Variants in NCL observed in about 807,000 individuals in gnomAD.
The protein encoded by NCL is nucleolin multifunctional protein.
NCL carries 4 observed loss-of-function variants against 77.7 expected under a neutral mutation model. That is an observed-to-expected ratio of 0.05 (90% CI 0.03 to 0.12). The LOEUF (loss-of-function observed/expected upper bound fraction) is 0.12. NCL is among the 10% of genes least tolerant of loss of function. The pLI is 1.00. For synonymous variants in NCL, 344 were observed against 297.8 expected (o/e 1.16, Z -1.60); for missense variants, 763 against 860.9 (o/e 0.89, Z 1.42).
chr2:231,458,506 TA>T, intron 7 of NCL, 117 bp from the exon 8 acceptor site: 4 of 1,306,112 alleles, frequency 3.1e-6, no homozygotes, highest in Non-Finnish European at 4.2e-6. Context: ...TGAGATCCTA[TA>T]ATGTACAAGG....
In NCL at chr2:231,461,559, GTCATCC is replaced by G. The variant is rs1271519636; in HGVS notation, c.588_593del (p.Glu196_Asp197del). The G allele has an allele frequency of 5.0e-6, 8 of 1,613,160 alleles. No individual in the cohort carries two copies. In the African/African-American group the frequency reaches 6.7e-5, roughly 13 times the overall value. The stretch of plus-strand genomic sequence containing the variant: ...CCTTACCATCTTCCTCATCGTCATC[GTCATCC>G]TCATCATCTTCGTCATCCTCATCGT... On this transcript the variant is annotated inframe_deletion, in exon 3 of 14. Transcript: ENST00000322723.
Position 231,461,837 on chromosome 2 carries a change from T to G in NCL, c.316A>C (p.Thr106Pro). Residue 106 changes from threonine to proline, a missense_variant, in exon 3 of 14, where the codon ACA (threonine) becomes CCA (proline). By Grantham distance (38) the Thr-to-Pro change is conservative. This residue lies in a region of NCL where 590 missense variants were observed against 570.5 expected (regional missense o/e 1.03). Transcript: ENST00000322723. ...GGTGTGGCTCCCTTCTTGCCAGGTG[T>G]GGTAACTGCTTTGGCTGGTGTAACT... The part of the protein sequence containing the change: ...KTVTPAKAVT[T>P]PGKKGATPGK... 6.2e-7 allele frequency: 1 copy of G among 1,613,554 alleles called. No homozygotes were observed. Among genetic ancestry groups the G allele is most frequent in the Non-Finnish European group, 8.5e-7 (1 of 1,179,972 alleles).
intron 11 of NCL, 199 bp downstream of exon 11, chr2:231,456,432 G>T: frequency 9.2e-7 from 1 of 1,085,064 alleles, no homozygotes; most frequent in Non-Finnish European, 1.4e-6. Context: ...TTGCTACTCT[G>T]AGTTGACACA....
intron 11 of NCL, chr2:231,456,418 A>G (rs2046888632): frequency 9.7e-7 from 1 of 1,029,756 alleles, no homozygotes; most frequent in African/African-American, 1.6e-5. Context: ...AATCATGGGC[A>G]AACTTGCTAC....
At chr2:231,460,125 G>T in intron 6 of NCL, 27 bp downstream of exon 6, 1 of 1,598,696 alleles carries the variant, frequency 6.3e-7, no homozygotes, top group African/African-American at 1.3e-5. Flanking sequence ...AGACCCACGT[G>T]TATGTAACGT....
In NCL at chr2:231,455,990, C is replaced by A; in HGVS notation, c.1832+20G>T. The A allele has an allele frequency of 6.2e-7, 1 of 1,614,208 alleles. No individual in the cohort carries two copies. Among genetic ancestry groups the A allele is most frequent in the Non-Finnish European group, 8.5e-7 (1 of 1,180,030 alleles). On this transcript the variant is annotated intron_variant, in intron 12 of 13. Transcript: ENST00000322723. ...AAAACCCCTTCAAGTGGAAGCAGCA[C>A]TCACGCTTCCTTCCCTTACCCTTTG...
chr2:231,462,530 C>T, intron 2 of NCL: 1 of 513,296 alleles, frequency 1.9e-6, no homozygotes, highest in Non-Finnish European at 3.9e-6. Flanking sequence ...AACTATCACA[C>T]ATCAAAGAGT....
Position 231,454,912 on chromosome 2 carries a change from G to GAAAA in NCL, c.*275_*278dup, listed in dbSNP as rs1021558053. 1 of 305,584 alleles carries GAAAA rather than the reference G, an allele frequency of 3.3e-6. No homozygotes were observed. Among genetic ancestry groups the GAAAA allele is most frequent in the Non-Finnish European group, 6.0e-6 (1 of 167,552 alleles). 18.9% of individuals were successfully genotyped at this position (305,584 alleles called of 1,614,324 possible). Reference sequence around the variant, plus strand: ...ACAACAAAACCCAAACTATTTGTAGGAAAAAATGGTTTTGTACATGGGATG... The same window carrying GAAAA: ...ACAACAAAACCCAAACTATTTGTAGGAAAAAAAAAATGGTTTTGTACATGGGATG... On this transcript the variant is annotated 3_prime_UTR_variant, in exon 14 of 14. Transcript: ENST00000322723.
At chr2:231,456,923 G>A in intron 10 of NCL, 78 bp downstream of exon 10, 1 of 1,573,128 alleles carries the variant, frequency 6.4e-7, no homozygotes, top group South Asian at 1.2e-5. Flanking sequence ...TTTCTGACAG[G>A]ATCACATGAC....
At chr2:231,456,247 C>T (rs2046886752) in intron 11 of NCL, 111 bp from the exon 12 acceptor site, 2 of 1,400,136 alleles carry the variant, frequency 1.4e-6, no homozygotes, top group Non-Finnish European at 9.7e-7. Context: ...AGTGAAAAAG[C>T]AGTTAAAAGC....
At chr2:231,460,397 T>A (rs778890736) in intron 5 of NCL, 81 bp downstream of exon 5, 1 of 1,591,810 alleles carries the variant, frequency 6.3e-7, no homozygotes, top group Admixed American at 1.7e-5. Flanking sequence ...CAATGTAACA[T>A]CAGGTTTCAG....
chr2:231,458,848 CTGTAGCTCAT>C, intron 7 of NCL, 143 bp downstream of exon 7: 1 of 841,270 alleles, frequency 1.2e-6, no homozygotes. Flanking sequence ...CTTGTAAACA[CTGTAGCTCAT>C]TTAATTCCCA....
Position 231,461,849 on chromosome 2 carries a change from T to C in NCL, c.304A>G (p.Lys102Glu), listed in dbSNP as rs1419401455. 1 of 1,613,428 alleles carries C rather than the reference T, an allele frequency of 6.2e-7. No homozygotes were observed. Among genetic ancestry groups the C allele is most frequent in the African/African-American group, 1.3e-5 (1 of 74,928 alleles). The stretch of plus-strand genomic sequence containing the variant: ...TTCTTGCCAGGTGTGGTAACTGCTT[T>C]GGCTGGTGTAACTGTCTTCTTGGCA... ...TPAKKTVTPA[K>E]AVTTPGKKGA... The change falls in exon 3 of 14, where the codon AAA becomes GAA. Residue 102 changes from lysine to glutamate, a missense_variant. Transcript: ENST00000322723.
chr2:231,453,751 G>A lies in NCL; in HGVS notation c.*1440C>T, dbSNP rs2046854927. On this transcript the variant is annotated 3_prime_UTR_variant, in exon 14 of 14. Coordinates refer to ENST00000322723, the MANE Select transcript of NCL (RefSeq NM_005381.3). ...ATGGAACAGGGCTGACAAGCAGTAG[G>A]TGATAAGCCCAAGGATGTTAAGATT... is the stretch of plus-strand genomic sequence containing the variant. 6.6e-6 allele frequency: 1 copy of A among 152,506 alleles called. No homozygotes were observed. Among genetic ancestry groups the A allele is most frequent in the Admixed American group, 6.5e-5 (1 of 15,314 alleles). The allele number at this position is 152,506 out of a possible 1,614,324, so 9.4% of individuals were successfully genotyped here. A position where few individuals can be genotyped will look rare whatever the true frequency, so the allele number is the denominator to read the frequency against.
rs2046904801 is a variant in NCL at position 231,457,704 on chromosome 2, G to A, written c.1386C>T (p.Tyr462=). 6.2e-7 allele frequency: 1 copy of A among 1,612,786 alleles called. No individual in the cohort carries two copies. Among genetic ancestry groups the A allele is most frequent in the African/African-American group, 1.3e-5 (1 of 74,870 alleles). The change falls in exon 9 of 14, where the codon TAC becomes TAT. Residue 462 remains tyrosine (Y), a synonymous_variant. Transcript: ENST00000322723. ...GATTTTGACCTTTCTCTCCAGTATA[G>A]TACAGGGAAATAGATCGCCCATCGA... The part of the protein sequence containing the change: ...TEIDGRSISL[Y]YTGEKGQNQD...
At position 231,460,665 on chromosome 2, in the gene NCL, G is replaced by GTAC. The variant is rs2046939050; in HGVS notation, c.811+1_811+3dup. 12 of 1,614,018 alleles carry GTAC rather than the reference G, an allele frequency of 7.4e-6. No individual in the cohort carries two copies. The highest frequency in any genetic ancestry group is 2.7e-5 in the African/African-American group (2 of 74,994). ...TGTCGTATGTCAGAATCTAATTTAAGTACCTTCCTCCTCCTCTTCTTCCTC... is the reference window on the plus strand; with the variant it reads ...TGTCGTATGTCAGAATCTAATTTAAGTACTACCTTCCTCCTCCTCTTCTTCCTC... On this transcript the variant is annotated splice_donor_region_variant and intron_variant, in intron 4 of 13. Transcript: ENST00000322723.
rs748502672 is a variant in NCL, at chr2:231,460,550, C to A, written c.826G>T (p.Ala276Ser). ...ATTTCCTTCTTTCGTTTTCCAGGTG[C>A]TTCTTTGACAGGCTCTGGACAAGAT... Reference protein sequence around the residue: ...EEEEEEPVKEAPGKRKKEMAK... With the variant: ...EEEEEEPVKESPGKRKKEMAK... Residue 276 changes from alanine to serine, a missense_variant, in exon 5 of 14, where the codon GCA becomes TCA. Coordinates refer to ENST00000322723, the MANE Select transcript of NCL (RefSeq NM_005381.3). The A allele has an allele frequency of 6.2e-6, 10 of 1,614,096 alleles. No individual in the cohort carries two copies. The highest frequency in any genetic ancestry group is 1.6e-4 in the Middle Eastern group (1 of 6,082).
chr2:231,455,293 TAA>T, intron 13 of NCL, 26 bp from the exon 14 acceptor site: 1 of 1,613,994 alleles, frequency 6.2e-7, no homozygotes, highest in Non-Finnish European at 8.5e-7. Flanking sequence ...AAGACACTGT[TAA>T]AAGAATGGGT....
Position 231,454,247 on chromosome 2 carries a change from G to GT in NCL, c.*943dup, listed in dbSNP as rs1404183502. On this transcript the variant is annotated 3_prime_UTR_variant, in exon 14 of 14. Coordinates refer to ENST00000322723, the MANE Select transcript of NCL (RefSeq NM_005381.3). ...AGCTCACTCTGCTTCCCGGGTTCAC[G>GT]TGACTCTCCCGCTTCAGCCTCCTGA... 2 of 152,296 alleles carry GT rather than the reference G, an allele frequency of 1.3e-5. No individual in the cohort carries two copies. Among genetic ancestry groups the GT allele is most frequent in the Non-Finnish European group, 2.9e-5 (2 of 68,142 alleles). 9.4% of individuals were successfully genotyped at this position (152,296 alleles called of 1,614,324 possible).
Sources: gnomAD v4.1 joint callset for allele counts on GRCh38, gnomAD v4.1.1 for gene constraint, gnomAD v4.1.1 regional missense constraint, MANE v1.5 for transcripts, NCBI Gene and HGNC (gene_info 2026-07-23, HGNC 2026-07-21) for gene names.